Variants in SPG11 observed in about 807,000 individuals in gnomAD.
SPG11 encodes SPG11 vesicle trafficking associated, spatacsin.
In SPG11, 222 loss-of-function variants were observed where a neutral mutation model predicts 274.0. The observed-to-expected ratio is 0.81, with a 90% CI of 0.73 to 0.91. SPG11 has a LOEUF of 0.91. Among genes scored for constraint, SPG11 ranks in the 40% least tolerant of loss-of-function variants. SPG11 has a pLI of 0.00. For synonymous variants in SPG11, 1,144 were observed against 1,039.7 expected (o/e 1.10, Z -1.93); for missense variants, 3,114 against 2,872.7 (o/e 1.08, Z -1.92).
In SPG11 at chr15:44,585,615, A is replaced by G. The variant is rs753051546; in HGVS notation, c.5121+21T>C. On this transcript the variant is annotated intron_variant, in intron 29 of 39. Transcript: ENST00000261866. ...AGACCCCGTATCTAAAAAAAAAAAAAAAAAAAAAGACCGATGATACCTCTT... is the reference window on the plus strand; with the variant it reads ...AGACCCCGTATCTAAAAAAAAAAAAGAAAAAAAAGACCGATGATACCTCTT... 8 of 1,585,092 alleles carry G rather than the reference A, an allele frequency of 5.0e-6. No homozygotes were observed. In the South Asian group the frequency reaches 7.9e-5, roughly 16 times the overall value.
chr15:44,640,202 T>C (rs1042450596), intron 7 of SPG11, among the ~76,000 whole-genome samples: 5 of 152,020 alleles, frequency 3.3e-5, no homozygotes, highest in African/African-American at 1.2e-4. Context: ...AGCGTGAGAC[T>C]CCGTCTCAAA....
Position 44,621,822 on chromosome 15 carries a change from A to T in SPG11, c.2557T>A (p.Trp853Arg). 6.2e-7 allele frequency: 1 copy of T among 1,614,068 alleles called. No homozygotes were observed. The highest frequency in any genetic ancestry group is 2.2e-5 in the East Asian group (1 of 44,858). Residue 853 changes from tryptophan to arginine, a missense_variant, in exon 14 of 40, where the codon TGG becomes AGG. Trp to Arg is a moderately radical substitution (Grantham distance 101, BLOSUM62 -3). Transcript: ENST00000261866. ...GTTAGTTGATCCCACCACAGAGCCC[A>T]ATTTAACACAATTCTATGGTCCTGT... ...NKQDHRIVLN[W>R]ALWWDQLTQE...
In SPG11 at chr15:44,569,472, C is replaced by T. The variant is rs1051526194; in HGVS notation, c.6511G>A (p.Glu2171Lys). 27 of 1,601,668 alleles carry T rather than the reference C, an allele frequency of 1.7e-5. No homozygotes were observed. The highest frequency in any genetic ancestry group is 2.7e-5 in the African/African-American group (2 of 74,844). Residue 2171 changes from glutamate (E) to lysine (K), a missense_variant, in exon 35 of 40, where the codon GAG becomes AAG. Physicochemically the swap from Glu to Lys is moderately conservative, Grantham distance 56. Coordinates refer to ENST00000261866, the MANE Select transcript of SPG11 (RefSeq NM_025137.4). ...RLLTGIGRYN[E>K]MTYIFDLLHK... ...AGCAAATCAAATATGTATGTCATCT[C>T]GTTGTACCTTCCAATGCCAGTGAGG...
At chr15:44,600,802 T>TA (rs2083166160) in intron 20 of SPG11, among the ~76,000 whole-genome samples, 170 bp from the exon 21 acceptor site, 1 of 152,194 alleles carries the variant, frequency 6.6e-6, no homozygotes, top group Non-Finnish European at 1.5e-5. Context: ...TGTATAGAGG[T>TA]AGCCTTCATT....
intron 27 of SPG11, 43 bp downstream of exon 27, chr15:44,592,288 C>G (rs201324127): frequency 8.2e-7 from 1 of 1,215,950 alleles, no homozygotes; most frequent in East Asian, 2.3e-5. Flanking sequence ...GCATGCCAAC[C>G]AAGTGCAGAT....
At chr15:44,656,531 C>T (rs1010240055) in intron 4 of SPG11, among the ~76,000 whole-genome samples, 7 of 152,064 alleles carry the variant, frequency 4.6e-5, no homozygotes, top group Admixed American at 1.3e-4. Context: ...GGTCAGAGGA[C>T]AGGTGAAGTG....
rs2082844208 is a variant in SPG11, at chr15:44,589,343, A to G, written c.4815T>C (p.Leu1605=). The G allele has an allele frequency of 1.9e-6, 3 of 1,614,054 alleles. No individual in the cohort carries two copies. The highest frequency in any genetic ancestry group is 2.5e-6 in the Non-Finnish European group (3 of 1,180,012). The change falls in exon 28 of 40, where the codon CTT becomes CTC. Residue 1605 remains leucine (L), a synonymous_variant. Transcript: ENST00000261866. The part of the protein sequence containing the change: ...AMWLEDQVCF[L]LKLMLQQCKT... ...TACACTGCTGTAGCATAAGCTTCAA[A>G]AGGAAACACACCTGATCCTCCAGCC...
rs772174377 is a variant in SPG11, at chr15:44,595,469, G to A, written c.4435-10C>T. ...AAATGGCACTGGCACCCTGCCACGGGATAAATAAAATAACAACTAGGCCTG... is the reference window on the plus strand; with the variant it reads ...AAATGGCACTGGCACCCTGCCACGGAATAAATAAAATAACAACTAGGCCTG... On this transcript the variant is annotated splice_polypyrimidine_tract_variant and intron_variant, in intron 25 of 39. Transcript: ENST00000261866. 5 of 1,613,504 alleles carry A rather than the reference G, an allele frequency of 3.1e-6. No individual in the cohort carries two copies. The South Asian group carries it at 5.5e-5, about 18-fold the overall frequency.
Position 44,621,575 on chromosome 15 carries a change from T to G in SPG11, c.2620+184A>C, listed in dbSNP as rs149667866. ...ATTTTTTTCTTTTATTAGCACATTA[T>G]AAATCCCTCCCAGAAACTCTGAGAT... is the stretch of plus-strand genomic sequence containing the variant. On this transcript the variant is annotated intron_variant, in intron 14 of 39. Transcript: ENST00000261866. 3,052 of 629,450 alleles carry G rather than the reference T, an allele frequency of 4.8e-3. 15 individuals carry two copies. Among genetic ancestry groups the G allele is most frequent in the Non-Finnish European group, 7.0e-3 (2,528 of 362,690 alleles). The allele number at this position is 629,450 out of a possible 1,614,324, so 39.0% of individuals were successfully genotyped here. A position where few individuals can be genotyped will look rare whatever the true frequency, so the allele number is the denominator to read the frequency against.
intron 7 of SPG11, among the ~76,000 whole-genome samples, chr15:44,641,818 T>C (rs2084451649): frequency 6.7e-6 from 1 of 150,260 alleles, no homozygotes; most frequent in African/African-American, 2.5e-5. Flanking sequence ...AAATTAAACA[T>C]GTGCATGCCG....
In SPG11 at chr15:44,569,425, T is replaced by C. The variant is rs766079841; in HGVS notation, c.6558A>G (p.Glu2186=). 2 of 1,605,842 alleles carry C rather than the reference T, an allele frequency of 1.2e-6. No homozygotes were observed. Among genetic ancestry groups the C allele is most frequent in the African/African-American group, 1.3e-5 (1 of 74,884 alleles). ...FDLLHKKHYF[E]VLMRKKLDPS... is the part of the protein sequence containing the mutation. ...GATCCAACTTCTTCCTCATTAGCAC[T>C]TCAAAGTAGTGCTTTTTATGCAGCA... Residue 2186 remains glutamate, a synonymous_variant, in exon 35 of 40, where the codon GAA becomes GAG. Transcript: ENST00000261866.
rs113737441 is a variant in SPG11 at position 44,589,043 on chromosome 15, T to C, written c.4906+209A>G. ...TTGGTAACTGCTTAGAATGAGATGA[T>C]TGGTTATATCATTTATGTTTTATGC... On this transcript the variant is annotated intron_variant, in intron 28 of 39. Transcript: ENST00000261866. 3.9e-5 allele frequency among the ~76,000 whole-genome samples: 6 copies of C among 152,280 alleles called. No homozygotes were observed. In the South Asian group the frequency reaches 8.3e-4, roughly 21 times the overall value.
chr15:44,622,208 T>G lies in SPG11; in HGVS notation c.2444+12A>C. The G allele has an allele frequency of 6.2e-7, 1 of 1,610,994 alleles. No individual in the cohort carries two copies. Among genetic ancestry groups the G allele is most frequent in the Admixed American group, 1.7e-5 (1 of 59,968 alleles). ...TATTCTAATATTATCAAAAGAGGAC[T>G]AATGAGACTACCTGGGAAATGACTG... On this transcript the variant is annotated intron_variant, in intron 13 of 39. Coordinates refer to ENST00000261866, the MANE Select transcript of SPG11 (RefSeq NM_025137.4).
At chr15:44,617,965 C>T (rs993631709) in intron 15 of SPG11, among the ~76,000 whole-genome samples, 16 of 151,956 alleles carry the variant, frequency 1.1e-4, no homozygotes, top group Non-Finnish European at 2.1e-4. Context: ...TGTGAGCCAC[C>T]GTGCCCGGCA....
chr15:44,599,512 C>T (rs1254825390), intron 21 of SPG11, among the ~76,000 whole-genome samples: 3 of 152,070 alleles, frequency 2.0e-5, no homozygotes, highest in African/African-American at 7.2e-5. Context: ...ATTGGCCAGG[C>T]TGGTCTCAAA....
At chr15:44,648,164 G>A (rs2084657731) in intron 7 of SPG11, among the ~76,000 whole-genome samples, 4 of 152,142 alleles carry the variant, frequency 2.6e-5, no homozygotes, top group Admixed American at 2.6e-4. Context: ...GAGTGTTTGT[G>A]AATTATAAAA....
rs1485056525 is a variant in SPG11, at chr15:44,566,235, T to G, written c.6825A>C (p.Ala2275=). 2 of 1,614,120 alleles carry G rather than the reference T, an allele frequency of 1.2e-6. No homozygotes were observed. The highest frequency in any genetic ancestry group is 2.7e-5 in the African/African-American group (2 of 74,954). The change falls in exon 37 of 40, where the codon GCA becomes GCC. Residue 2275 remains alanine (A), a synonymous_variant. Coordinates refer to ENST00000261866, the MANE Select transcript of SPG11 (RefSeq NM_025137.4). ...LLKALTLMLD[A]AESYAKDSCV... is the part of the protein sequence containing the mutation. Reference sequence around the variant, plus strand: ...GGGTTACCTTGGCATAACTCTCTGCTGCATCCAACATCAGAGTCAGGGCCT... The same window carrying G: ...GGGTTACCTTGGCATAACTCTCTGCGGCATCCAACATCAGAGTCAGGGCCT...
chr15:44,622,094 C>G (rs1246629435), intron 13 of SPG11, 126 bp downstream of exon 13: 23 of 1,252,914 alleles, frequency 1.8e-5, no homozygotes, highest in Non-Finnish European at 2.2e-5. Context: ...CTGTCTGATA[C>G]AAGTTTTATC....
chr15:44,587,958 C>G (rs989719697), intron 28 of SPG11, among the ~76,000 whole-genome samples: 1 of 152,026 alleles, frequency 6.6e-6, no homozygotes, highest in African/African-American at 2.4e-5. Context: ...ATTTGGTCTG[C>G]ACAGTAACTG....
Sources: allele counts gnomAD v4.1 joint callset (sites outside exome capture counted in the v4.1 genomes callset), GRCh38; gene constraint gnomAD v4.1.1; transcripts MANE v1.5; gene names NCBI Gene and HGNC (gene_info 2026-07-23, HGNC 2026-07-21).